Variants in AUTS2 observed in about 807,000 individuals in gnomAD.
AUTS2 encodes the protein activator of transcription and developmental regulator AUTS2, also known as autism susceptibility gene 2 protein.
A neutral mutation model predicts 112.4 loss-of-function variants in AUTS2; 17 were observed. The observed-to-expected ratio is 0.15, with a 90% CI of 0.10 to 0.23. The LOEUF (loss-of-function observed/expected upper bound fraction) is 0.23, where lower values mean the gene tolerates loss of function less well. Among genes scored for constraint, AUTS2 ranks in the 10% least tolerant of loss-of-function variants. AUTS2 has a pLI of 1.00. For synonymous variants in AUTS2, 751 were observed against 702.7 expected (o/e 1.07, Z -1.09); for missense variants, 1,510 against 1,701.6 (o/e 0.89, Z 1.98).
intron 5 of AUTS2, among the ~76,000 whole-genome samples, chr7:70,523,514 G>A (rs1204508626): frequency 6.6e-6 from 1 of 152,170 alleles, no homozygotes; most frequent in Admixed American, 6.5e-5. Flanking sequence ...ACTCCTGCCT[G>A]AACAGAAGGC....
chr7:70,464,984 A>G (rs1307120389), intron 5 of AUTS2, among the ~76,000 whole-genome samples: 3 of 151,950 alleles, frequency 2.0e-5, no homozygotes, highest in African/African-American at 7.3e-5. Context: ...CTTTCTTCTC[A>G]TTTATGGCAT....
At chr7:70,567,005 G>A (rs1801737037) in intron 5 of AUTS2, among the ~76,000 whole-genome samples, 1 of 152,192 alleles carries the variant, frequency 6.6e-6, no homozygotes. Flanking sequence ...TCAATAGGTG[G>A]AAAAGCATTG....
At chr7:69,625,668 G>T (rs1793910354) in intron 1 of AUTS2, among the ~76,000 whole-genome samples, 1 of 152,054 alleles carries the variant, frequency 6.6e-6, no homozygotes, top group Non-Finnish European at 1.5e-5. Context: ...AGACCAGCCT[G>T]GGAAAAACAG....
chr7:70,494,845 A>G (rs1168599060), intron 5 of AUTS2, among the ~76,000 whole-genome samples: 1 of 152,158 alleles, frequency 6.6e-6, no homozygotes, highest in African/African-American at 2.4e-5. Flanking sequence ...TTTGGCACAT[A>G]ATAGAATTTA....
intron 1 of AUTS2, among the ~76,000 whole-genome samples, chr7:69,712,389 C>G (rs1469975875): frequency 6.6e-6 from 1 of 151,778 alleles, no homozygotes; most frequent in Non-Finnish European, 1.5e-5. Flanking sequence ...TCTCTTCTTT[C>G]CTTGTCTTGA....
chr7:70,510,191 G>A (rs1393260573), intron 5 of AUTS2, among the ~76,000 whole-genome samples: 2 of 152,166 alleles, frequency 1.3e-5, no homozygotes, highest in African/African-American at 4.8e-5. Context: ...GTGGGGCCCT[G>A]GTGCTCTGAC....
At chr7:69,818,425 G>T (rs1417266727) in intron 1 of AUTS2, among the ~76,000 whole-genome samples, 1 of 152,176 alleles carries the variant, frequency 6.6e-6, no homozygotes, top group African/African-American at 2.4e-5. Flanking sequence ...TTAAACTGGA[G>T]TCTGCATGTA....
At chr7:70,144,145 C>A (rs1223035550) in intron 4 of AUTS2, among the ~76,000 whole-genome samples, 1 of 151,960 alleles carries the variant, frequency 6.6e-6, no homozygotes, top group Non-Finnish European at 1.5e-5. Context: ...CCAAAGAGAA[C>A]ATTTGCCTCT....
At position 69,781,737 on chromosome 7, in the gene AUTS2, CT is replaced by C. The variant is rs368693657; in HGVS notation, c.310-117548del. Among the ~76,000 whole-genome samples the C allele has an allele frequency of 1.0e-3, 156 of 152,236 alleles. 1 individual carries two copies. The East Asian group carries it at 0.027, about 26-fold the overall frequency. On this transcript the variant is annotated intron_variant, in intron 1 of 18. Coordinates refer to ENST00000342771, the MANE Select transcript of AUTS2 (RefSeq NM_015570.4). ...CTGATTTTTGTTTGTTTGTTCTTCT[CT>C]CCTTTCCCTTCCCACTTGTTGCAAA...
chr7:69,670,550 T>A (rs2129154238), intron 1 of AUTS2, among the ~76,000 whole-genome samples: 1 of 92,580 alleles, frequency 1.1e-5, no homozygotes, highest in Non-Finnish European at 2.1e-5. Flanking sequence ...TTTTACTTGA[T>A]CCCTCAAAAA....
chr7:70,206,120 C>T (rs189982585), intron 4 of AUTS2, among the ~76,000 whole-genome samples: 6 of 152,316 alleles, frequency 3.9e-5, no homozygotes, highest in African/African-American at 1.4e-4. Context: ...GAACTGTTCT[C>T]TTCCCTCCTC....
intron 5 of AUTS2, among the ~76,000 whole-genome samples, chr7:70,478,046 A>T (rs146066485): frequency 1.1e-3 from 171 of 152,286 alleles, no homozygotes; most frequent in African/African-American, 4.0e-3. Context: ...AATAGAGATG[A>T]GTGTGAGAAG....
At chr7:70,665,427 C>CTGTTTATT (rs1298444513) in intron 5 of AUTS2, among the ~76,000 whole-genome samples, 1 of 135,824 alleles carries the variant, frequency 7.4e-6, no homozygotes, top group Non-Finnish European at 1.6e-5. Context: ...CCATGACCAG[C>CTGTTTATT]TGTTTATTTA....
chr7:70,571,565 G>A (rs967720807), intron 5 of AUTS2, among the ~76,000 whole-genome samples: 1 of 152,186 alleles, frequency 6.6e-6, no homozygotes, highest in Non-Finnish European at 1.5e-5. Flanking sequence ...AGTCAATAAG[G>A]AGATGTTTAA....
At chr7:70,555,987 T>A (rs963644607) in intron 5 of AUTS2, among the ~76,000 whole-genome samples, 2 of 152,056 alleles carry the variant, frequency 1.3e-5, no homozygotes, top group Non-Finnish European at 2.9e-5. Context: ...TTGTATTTTT[T>A]AATAGAGACA....
intron 2 of AUTS2, among the ~76,000 whole-genome samples, chr7:70,057,730 G>A (rs1802058004): frequency 6.6e-6 from 1 of 152,066 alleles, no homozygotes; most frequent in South Asian, 2.1e-4. Context: ...TTTCAGATTG[G>A]CTTCTTTCAC....
chr7:70,398,002 T>C (rs1794161960), intron 4 of AUTS2, among the ~76,000 whole-genome samples: 1 of 152,240 alleles, frequency 6.6e-6, no homozygotes, highest in African/African-American at 2.4e-5. Context: ...CAAGTTTGTT[T>C]GTTTGTTTGC....
At position 70,459,446 on chromosome 7, in the gene AUTS2, A is replaced by G. The variant is rs371967844; in HGVS notation, c.690+23665A>G. ...GTTCCTAGCCCATTAGTGAACTGTC[A>G]TACACTTCAAGGCCAGCTCACCACT... On this transcript the variant is annotated intron_variant, in intron 5 of 18. Transcript: ENST00000342771. 3.9e-5 allele frequency among the ~76,000 whole-genome samples: 6 copies of G among 152,274 alleles called. No individual in the cohort carries two copies. The East Asian group carries it at 5.8e-4, about 15-fold the overall frequency.
intron 5 of AUTS2, among the ~76,000 whole-genome samples, chr7:70,647,247 A>G (rs900753089): frequency 3.9e-5 from 6 of 152,108 alleles, no homozygotes; most frequent in Middle Eastern, 3.2e-3. Context: ...TTTTCCTCTC[A>G]TTCTTATCCA....
Sources: gnomAD v4.1 joint callset for allele counts (sites outside exome capture counted in the v4.1 genomes callset) on GRCh38, gnomAD v4.1.1 for gene constraint, MANE v1.5 for transcripts, NCBI Gene and HGNC (gene_info 2026-07-23, HGNC 2026-07-21) for gene names.